ATRN: variants seen among roughly 807,000 people sequenced by gnomAD.
The protein encoded by ATRN is attractin.
ATRN carries 54 observed loss-of-function variants against 178.7 expected under a neutral mutation model. That is an observed-to-expected ratio of 0.30 (90% CI 0.24 to 0.38). The LOEUF (loss-of-function observed/expected upper bound fraction) is 0.38. Among genes scored for constraint, ATRN ranks in the 10% least tolerant of loss-of-function variants. The pLI is 1.00. For synonymous variants in ATRN, 636 were observed against 663.0 expected, an observed-to-expected ratio of 0.96 and a Z score of 0.63; for missense variants, 1,443 against 1,815.1, an observed-to-expected ratio of 0.79 and a Z score of 3.73.
At chr20:3,507,264 GC>G (rs1371773864) in intron 1 of ATRN, among the ~76,000 whole-genome samples, 1 of 151,882 alleles carries the variant, frequency 6.6e-6, no homozygotes, top group Non-Finnish European at 1.5e-5. Context: ...AAAAAATTTA[GC>G]CGGGCATGGT....
At chr20:3,538,037 A>G (rs2085565005) in intron 2 of ATRN, among the ~76,000 whole-genome samples, 1 of 150,370 alleles carries the variant, frequency 6.7e-6, no homozygotes, top group Non-Finnish European at 1.5e-5. Flanking sequence ...TACATGTGCC[A>G]TGCTGGTGCA....
chr20:3,545,283 G>A (rs1342540412), intron 3 of ATRN, among the ~76,000 whole-genome samples: 1 of 149,946 alleles, frequency 6.7e-6, no homozygotes, highest in East Asian at 1.9e-4. Flanking sequence ...CAGGAGAATC[G>A]CTTGAACCCC....
intron 18 of ATRN, among the ~76,000 whole-genome samples, chr20:3,589,425 T>C (rs964635108): frequency 1.3e-5 from 2 of 151,648 alleles, no homozygotes; most frequent in African/African-American, 4.8e-5. Context: ...GCTCTAAATA[T>C]TGTGAGGGTT....
At chr20:3,507,183 G>C in intron 1 of ATRN, among the ~76,000 whole-genome samples, 1 of 151,748 alleles carries the variant, frequency 6.6e-6, no homozygotes, top group South Asian at 2.1e-4. Flanking sequence ...GAGGTGGGTG[G>C]ATCATGAGGT....
At chr20:3,614,214 C>G (rs183229179) in intron 24 of ATRN, among the ~76,000 whole-genome samples, 229 of 152,216 alleles carry the variant, frequency 1.5e-3, no homozygotes, top group African/African-American at 4.9e-3. Flanking sequence ...TTCCCTCTGC[C>G]CCTGCTTTCT....
At chr20:3,545,019 AGT>A (rs1203059980) in intron 3 of ATRN, among the ~76,000 whole-genome samples, 1 of 152,124 alleles carries the variant, frequency 6.6e-6, no homozygotes, top group African/African-American at 2.4e-5. Context: ...GAATACTAAC[AGT>A]GTTGGAGTTA....
chr20:3,476,744 C>T (rs1046199495), intron 1 of ATRN, among the ~76,000 whole-genome samples: 4 of 152,198 alleles, frequency 2.6e-5, no homozygotes, highest in Non-Finnish European at 4.4e-5. Context: ...CCTGTAATCC[C>T]AGCTACTCAG....
chr20:3,544,574 G>T (rs951898681), intron 3 of ATRN, among the ~76,000 whole-genome samples: 1 of 152,062 alleles, frequency 6.6e-6, no homozygotes, highest in African/African-American at 2.4e-5. Context: ...GCAACAGCAG[G>T]TAGACATAAG....
At chr20:3,480,180 C>G (rs999477158) in intron 1 of ATRN, among the ~76,000 whole-genome samples, 41 of 152,304 alleles carry the variant, frequency 2.7e-4, no homozygotes, top group African/African-American at 9.1e-4. Flanking sequence ...TATGCTTGAC[C>G]TAGGATAAGC....
At chr20:3,536,555 C>A (rs2085536349) in intron 2 of ATRN, among the ~76,000 whole-genome samples, 1 of 151,280 alleles carries the variant, frequency 6.6e-6, no homozygotes, top group African/African-American at 2.4e-5. Flanking sequence ...CATATTAGAA[C>A]TTACAACCAA....
chr20:3,585,726 G>A (rs538134163), intron 18 of ATRN, among the ~76,000 whole-genome samples: 3 of 152,202 alleles, frequency 2.0e-5, no homozygotes, highest in South Asian at 2.1e-4. Context: ...TCCAGAACAC[G>A]TAACTCTTAA....
intron 24 of ATRN, among the ~76,000 whole-genome samples, chr20:3,621,521 A>T (rs2086897140): frequency 6.6e-6 from 1 of 152,242 alleles, no homozygotes; most frequent in South Asian, 2.1e-4. Flanking sequence ...TGGAAGTCGT[A>T]GGACGTGAAT....
At chr20:3,534,570 A>G (rs1048607736) in intron 1 of ATRN, among the ~76,000 whole-genome samples, 1 of 152,208 alleles carries the variant, frequency 6.6e-6, no homozygotes, top group African/African-American at 2.4e-5. Flanking sequence ...AGAAGCGAGC[A>G]TGTGTTCAGA....
chr20:3,610,696 C>T (rs2086750904), intron 24 of ATRN, among the ~76,000 whole-genome samples: 1 of 150,800 alleles, frequency 6.6e-6, no homozygotes, highest in African/African-American at 2.4e-5. Flanking sequence ...CCTCAGCCTC[C>T]CAAGTTGCTG....
rs889326937 is a variant in ATRN at position 3,618,653 on chromosome 20, C to T, written c.3802-5858C>T. Among the ~76,000 whole-genome samples, 7 of 152,142 alleles carry T rather than the reference C, an allele frequency of 4.6e-5. No individual in the cohort carries two copies. In the East Asian group the frequency reaches 1.3e-3, roughly 29 times the overall value. On this transcript the variant is annotated intron_variant, in intron 24 of 28. Coordinates refer to ENST00000262919, the MANE Select transcript of ATRN (RefSeq NM_139321.3). Reference sequence around the variant, plus strand: ...AGATGGTGAGTGTTCGTTTGCATGGCAGGAATGAGTGGCTGAATGGCATTA... The same window carrying T: ...AGATGGTGAGTGTTCGTTTGCATGGTAGGAATGAGTGGCTGAATGGCATTA...
At chr20:3,549,982 C>T (rs1205178513) in intron 6 of ATRN, among the ~76,000 whole-genome samples, 3 of 152,160 alleles carry the variant, frequency 2.0e-5, no homozygotes, top group Non-Finnish European at 4.4e-5. Flanking sequence ...CATTAAAACA[C>T]ATCACACAAC....
At position 3,646,892 on chromosome 20, in the gene ATRN, CA is replaced by C; in HGVS notation, c.*46del. ...CCCACGCACGAGCTAGTGAGTGGCACACCAGAGCCATCTGCAGGGAAGGGCG... is the reference window on the plus strand; with the variant it reads ...CCCACGCACGAGCTAGTGAGTGGCACCCAGAGCCATCTGCAGGGAAGGGCG... On this transcript the variant is annotated 3_prime_UTR_variant, in exon 29 of 29. Coordinates refer to ENST00000262919, the MANE Select transcript of ATRN (RefSeq NM_139321.3). 6.2e-7 allele frequency: 1 copy of C among 1,606,646 alleles called. No homozygotes were observed. The highest frequency in any genetic ancestry group is 8.5e-7 in the Non-Finnish European group (1 of 1,176,064).
At chr20:3,641,138 GGTACGAAGTTTGAGTTTTAC>G in intron 27 of ATRN, among the ~76,000 whole-genome samples, 1 of 152,246 alleles carries the variant, frequency 6.6e-6, no homozygotes, top group East Asian at 1.9e-4. Flanking sequence ...GTGTTTAATG[GGTACGAAGTTTGAGTTTTAC>G]AAGATGAAAA....
Position 3,624,533 on chromosome 20 carries a change from A to G in ATRN, c.3824A>G (p.Asn1275Ser), listed in dbSNP as rs199719766. 6.2e-7 allele frequency: 1 copy of G among 1,614,038 alleles called. No homozygotes were observed. Among genetic ancestry groups the G allele is most frequent in the Non-Finnish European group, 8.5e-7 (1 of 1,179,958 alleles). Residue 1275 changes from asparagine to serine, a missense_variant, in exon 25 of 29, where the codon AAT becomes AGT. Transcript: ENST00000262919. ...CAGATTGCCTTCTCTCAGCACAGCA[A>G]TTTTATGGACCTGGTACAGTTCTTC... Reference protein sequence around the residue: ...KIQIAFSQHSNFMDLVQFFVT... With the variant: ...KIQIAFSQHSSFMDLVQFFVT...
Sources: allele counts gnomAD v4.1 joint callset (sites outside exome capture counted in the v4.1 genomes callset), GRCh38; gene constraint gnomAD v4.1.1; transcripts MANE v1.5; gene names NCBI Gene and HGNC (gene_info 2026-07-23, HGNC 2026-07-21).